The following NCEH1 variants were observed in gnomAD, a reference collection of about 807,000 sequenced individuals.
NCEH1 encodes neutral cholesterol ester hydrolase 1, also known as 2-acetyl MAGE hydrolase.
Under a neutral mutation model 25.4 loss-of-function variants are expected in NCEH1, and 9 were observed. That is an observed-to-expected ratio of 0.35 (90% CI 0.21 to 0.62). The LOEUF (loss-of-function observed/expected upper bound fraction) is 0.62, where lower values mean the gene tolerates loss of function less well. NCEH1 is among the 20% of genes least tolerant of loss of function. The pLI is 0.72. For synonymous variants in NCEH1, 200 were observed against 199.8 expected (o/e 1.00, Z -0.01); for missense variants, 412 against 501.1 (o/e 0.82, Z 1.70).
rs1275813803 is a variant in NCEH1 at position 172,631,549 on chromosome 3, G to A, written c.*1926C>T. ...GAGACCTCAAGGATCACATAATTCAGCTCTTTGATTTTAGAGGGAGGAAAG... is the reference window on the plus strand; with the variant it reads ...GAGACCTCAAGGATCACATAATTCAACTCTTTGATTTTAGAGGGAGGAAAG... On this transcript the variant is annotated 3_prime_UTR_variant, in exon 5 of 5. Coordinates refer to ENST00000475381, the MANE Select transcript of NCEH1 (RefSeq NM_020792.6). 2 of 152,606 alleles carry A rather than the reference G, an allele frequency of 1.3e-5. No individual in the cohort carries two copies. Among genetic ancestry groups the A allele is most frequent in the South Asian group, 2.1e-4 (1 of 4,824 alleles). 9.5% of individuals were successfully genotyped at this position (152,606 alleles called of 1,614,324 possible).
chr3:172,653,733 C>CTGTTTT lies in NCEH1; in HGVS notation c.139-5625_139-5620dup, dbSNP rs1176882618. Among the ~76,000 whole-genome samples the CTGTTTT allele has an allele frequency of 1.8e-3, 158 of 89,624 alleles. 1 individual carries two copies. Among genetic ancestry groups the CTGTTTT allele is most frequent in the African/African-American group, 6.6e-3 (144 of 21,852 alleles). 58.8% of individuals were successfully genotyped at this position (89,624 alleles called of 152,430 possible). On this transcript the variant is annotated intron_variant, in intron 1 of 4. Transcript: ENST00000475381. The stretch of plus-strand genomic sequence containing the variant: ...GTTTGTTTTTGTTGTTGTTGTTGTT[C>CTGTTTT]TGTTTTTTTTGTTTTTTTGTTTTTT...
intron 1 of NCEH1, among the ~76,000 whole-genome samples, chr3:172,709,420 G>A (rs557366537): frequency 6.6e-6 from 1 of 152,288 alleles, no homozygotes; most frequent in South Asian, 2.1e-4. Context: ...GGAGGAGAGG[G>A]AATGCAAGGC....
At chr3:172,677,835 G>A (rs916527146) in intron 1 of NCEH1, among the ~76,000 whole-genome samples, 1 of 152,212 alleles carries the variant, frequency 6.6e-6, no homozygotes, top group Admixed American at 6.5e-5. Flanking sequence ...GGCTGAGGCA[G>A]GAGAATGGCG....
At chr3:172,675,357 A>C (rs1560197105) in intron 1 of NCEH1, among the ~76,000 whole-genome samples, 1 of 151,026 alleles carries the variant, frequency 6.6e-6, no homozygotes, top group Non-Finnish European at 1.5e-5. Context: ...TTGTGAGTTG[A>C]TGGGTGCAGC....
chr3:172,663,532 C>T (rs1385756400), intron 1 of NCEH1, among the ~76,000 whole-genome samples: 3 of 152,066 alleles, frequency 2.0e-5, no homozygotes, highest in South Asian at 2.1e-4. Flanking sequence ...CTTTCTGCCT[C>T]GTTGATCTGT....
intron 1 of NCEH1, 55 bp downstream of exon 1, chr3:172,710,792 C>A: frequency 1.3e-6 from 2 of 1,598,854 alleles, no homozygotes; most frequent in African/African-American, 1.3e-5. Context: ...TTTGTATCCC[C>A]TTCAAATATT....
chr3:172,639,296 CAAAAAA>C (rs534734447), intron 3 of NCEH1, among the ~76,000 whole-genome samples: 1 of 95,218 alleles, frequency 1.1e-5, no homozygotes, highest in Non-Finnish European at 2.2e-5. Flanking sequence ...GGCTCCGTCT[CAAAAAA>C]AAAAAAAAAA....
At chr3:172,674,837 T>C (rs1296905689) in intron 1 of NCEH1, among the ~76,000 whole-genome samples, 2 of 152,234 alleles carry the variant, frequency 1.3e-5, no homozygotes, top group Non-Finnish European at 2.9e-5. Flanking sequence ...ACAGGATTAA[T>C]TGCAGGAAAA....
At chr3:172,694,907 C>T (rs1438610163) in intron 1 of NCEH1, among the ~76,000 whole-genome samples, 1 of 152,150 alleles carries the variant, frequency 6.6e-6, no homozygotes, top group Non-Finnish European at 1.5e-5. Flanking sequence ...AAATTTCTCC[C>T]TATTTCCTAT....
At chr3:172,641,504 A>G (rs545513507) in intron 3 of NCEH1, among the ~76,000 whole-genome samples, 2 of 152,050 alleles carry the variant, frequency 1.3e-5, no homozygotes, top group South Asian at 4.2e-4. Context: ...TCAGATAAAA[A>G]CCTTCCCCAG....
intron 1 of NCEH1, among the ~76,000 whole-genome samples, chr3:172,658,358 G>C (rs1279467419): frequency 6.6e-6 from 1 of 152,210 alleles, no homozygotes; most frequent in Non-Finnish European, 1.5e-5. Flanking sequence ...CATCTGGCTA[G>C]GGATTTTTCC....
At chr3:172,694,246 A>T (rs1395350557) in intron 1 of NCEH1, among the ~76,000 whole-genome samples, 1 of 152,240 alleles carries the variant, frequency 6.6e-6, no homozygotes, top group African/African-American at 2.4e-5. Context: ...ATTTACTATT[A>T]ATCTGATGAG....
In NCEH1 at chr3:172,631,250, C is replaced by T. The variant is rs147624862; in HGVS notation, c.*2225G>A. On this transcript the variant is annotated 3_prime_UTR_variant, in exon 5 of 5. Transcript: ENST00000475381. Reference sequence around the variant, plus strand: ...GCCAATTGAAGGAACCCTGCCTATACATTTTATTTTCTTTTTCTTCGAGAC... The same window carrying T: ...GCCAATTGAAGGAACCCTGCCTATATATTTTATTTTCTTTTTCTTCGAGAC... 5.9e-5 allele frequency: 9 copies of T among 152,282 alleles called. No individual in the cohort carries two copies. Among genetic ancestry groups the T allele is most frequent in the African/African-American group, 2.2e-4 (9 of 41,566 alleles). 9.4% of individuals were successfully genotyped at this position (152,282 alleles called of 1,614,324 possible). A position where few individuals can be genotyped will look rare whatever the true frequency, so the allele number is the denominator to read the frequency against.
In NCEH1 at chr3:172,630,558, A is replaced by T. The variant is rs555907867; in HGVS notation, c.*2917T>A. ...GTACTCCACTGGGCAGAAGATTGGG[A>T]AAGAATTGTGGCTGGCAATTTGGCA... On this transcript the variant is annotated 3_prime_UTR_variant, in exon 5 of 5. Transcript: ENST00000475381. 6.6e-6 allele frequency: 1 copy of T among 152,374 alleles called. No individual in the cohort carries two copies. Among genetic ancestry groups the T allele is most frequent in the African/African-American group, 2.4e-5 (1 of 41,592 alleles). 9.4% of individuals were successfully genotyped at this position (152,374 alleles called of 1,614,324 possible).
At chr3:172,640,827 A>G (rs961602243) in intron 3 of NCEH1, among the ~76,000 whole-genome samples, 1 of 152,116 alleles carries the variant, frequency 6.6e-6, no homozygotes, top group Admixed American at 6.5e-5. Context: ...TTTAAGAGAC[A>G]GTCTTGCTCT....
At chr3:172,658,840 CTT>C (rs33955977) in intron 1 of NCEH1, among the ~76,000 whole-genome samples, 1,980 of 74,052 alleles carry the variant, frequency 0.027, 52 homozygotes, top group African/African-American at 0.084. Flanking sequence ...AATTCCAAAA[CTT>C]TTTTTTTTTT....
chr3:172,674,824 A>G (rs1321967973), intron 1 of NCEH1, among the ~76,000 whole-genome samples: 1 of 152,230 alleles, frequency 6.6e-6, no homozygotes, highest in Admixed American at 6.5e-5. Flanking sequence ...TATCATCCTT[A>G]TAACAGGATT....
chr3:172,702,471 G>A (rs5000085), intron 1 of NCEH1, among the ~76,000 whole-genome samples: 104 of 152,180 alleles, frequency 6.8e-4, no homozygotes, highest in African/African-American at 2.3e-3. Flanking sequence ...CCACCTTATC[G>A]CTGGCAGTTG....
rs1346639177 is a variant in NCEH1, at chr3:172,635,904, C to G, written c.609+12G>C. 6.2e-7 allele frequency: 1 copy of G among 1,613,622 alleles called. No homozygotes were observed. Among genetic ancestry groups the G allele is most frequent in the Non-Finnish European group, 8.5e-7 (1 of 1,179,710 alleles). On this transcript the variant is annotated intron_variant, in intron 4 of 4. Transcript: ENST00000475381. The stretch of plus-strand genomic sequence containing the variant: ...CGCTTAACCCACCAGCACCTTAGGA[C>G]AGTGGTGTTACCTGTTGTCCAAGGG...
Sources: gnomAD v4.1 joint callset for allele counts (sites outside exome capture counted in the v4.1 genomes callset) on GRCh38, gnomAD v4.1.1 for gene constraint, MANE v1.5 for transcripts, NCBI Gene and HGNC (gene_info 2026-07-23, HGNC 2026-07-21) for gene names.